KAZN: variants seen among roughly 807,000 people sequenced by gnomAD.
KAZN encodes kazrin.
KAZN carries 40 observed loss-of-function variants against 87.4 expected under a neutral mutation model. That is an observed-to-expected ratio of 0.46 (90% CI 0.36 to 0.60). KAZN has a LOEUF of 0.60. Among genes scored for constraint, KAZN ranks in the 20% least tolerant of loss-of-function variants. The probability of loss-of-function intolerance (pLI) is 0.00; values close to 1 mark genes in which losing one functional copy is unlikely to be tolerated. For synonymous variants in KAZN, 466 were observed against 458.3 expected, an observed-to-expected ratio of 1.02 and a Z score of -0.22; for missense variants, 898 against 1,073.9, an observed-to-expected ratio of 0.84 and a Z score of 2.29.
chr1:14,850,220 C>G (rs1267272794), intron 1 of KAZN, among the ~76,000 whole-genome samples: 1 of 152,152 alleles, frequency 6.6e-6, no homozygotes. Flanking sequence ...AGGCATGAGC[C>G]ACTGCGTCCA....
chr1:14,389,123 G>A (rs1366496429), intron 2 of KAZN, among the ~76,000 whole-genome samples: 1 of 152,168 alleles, frequency 6.6e-6, no homozygotes, highest in African/African-American at 2.4e-5. Context: ...TTGATCATCA[G>A]AGAAATGCAA....
intron 1 of KAZN, among the ~76,000 whole-genome samples, chr1:14,800,285 C>T (rs924754049): frequency 6.6e-6 from 1 of 152,196 alleles, no homozygotes; most frequent in East Asian, 1.9e-4. Context: ...CTCCTATGAG[C>T]GTTCACAGCA....
At chr1:14,541,451 G>GTGAATCTTGAGCTTGCATTT (rs1553186061) in intron 2 of KAZN, among the ~76,000 whole-genome samples, 1 of 152,290 alleles carries the variant, frequency 6.6e-6, no homozygotes, top group East Asian at 1.9e-4. Flanking sequence ...AACAGTGAAG[G>GTGAATCTTGAGCTTGCATTT]TGAATCTTGA....
intron 2 of KAZN, among the ~76,000 whole-genome samples, chr1:14,314,877 T>C (rs904893393): frequency 1.3e-5 from 2 of 152,162 alleles, no homozygotes; most frequent in Non-Finnish European, 2.9e-5. Flanking sequence ...CTACTTTGTG[T>C]ATCTATAAAT....
At chr1:14,709,158 G>A (rs960800202) in intron 1 of KAZN, among the ~76,000 whole-genome samples, 3 of 152,170 alleles carry the variant, frequency 2.0e-5, no homozygotes, top group African/African-American at 2.4e-5. Flanking sequence ...TCGGAGGCAC[G>A]AAGCCTTTGT....
chr1:14,786,077 C>T (rs1645500737), intron 1 of KAZN, among the ~76,000 whole-genome samples: 1 of 152,212 alleles, frequency 6.6e-6, no homozygotes, highest in African/African-American at 2.4e-5. Flanking sequence ...CTGGCGTCTA[C>T]AGTAGGTGCT....
intron 1 of KAZN, among the ~76,000 whole-genome samples, chr1:13,933,014 A>C: frequency 6.6e-6 from 1 of 152,148 alleles, no homozygotes; most frequent in South Asian, 2.1e-4. Flanking sequence ...CCTATTCCCT[A>C]TTTCCCCGAA....
rs574537607 is a variant in KAZN at position 14,280,302 on chromosome 1, C to T, written c.249+99710C>T. On this transcript the variant is annotated intron_variant, in intron 2 of 16. Transcript: ENST00000636203. ...AGGAGACTCACTTGAACCCGGGAGG[C>T]GGAGGTTGCAGTGAGCCAAGATCGC... Among the ~76,000 whole-genome samples the T allele has an allele frequency of 1.8e-3, 216 of 123,412 alleles. 2 individuals carry two copies. The highest frequency in any genetic ancestry group is 5.8e-3 in the African/African-American group (188 of 32,376). 81.0% of individuals were successfully genotyped at this position (123,412 alleles called of 152,430 possible). A position where few individuals can be genotyped will look rare whatever the true frequency, so the allele number is the denominator to read the frequency against.
chr1:14,655,627 G>T (rs1456533688), intron 1 of KAZN, among the ~76,000 whole-genome samples: 2 of 152,220 alleles, frequency 1.3e-5, no homozygotes, highest in Non-Finnish European at 2.9e-5. Flanking sequence ...GACAGATATA[G>T]ATTAGAACAA....
At chr1:14,984,295 T>G (rs1210726814) in intron 2 of KAZN, among the ~76,000 whole-genome samples, 1 of 151,840 alleles carries the variant, frequency 6.6e-6, no homozygotes, top group Admixed American at 6.6e-5. Context: ...GAGAATCACT[T>G]GAACCCAGGA....
At chr1:14,640,673 C>G (rs574510590) in intron 1 of KAZN, among the ~76,000 whole-genome samples, 2 of 152,320 alleles carry the variant, frequency 1.3e-5, no homozygotes, top group South Asian at 2.1e-4. Flanking sequence ...ACAATCCAAA[C>G]TAGAAGGTGC....
At chr1:15,078,250 C>A (rs1293610354) in intron 8 of KAZN, among the ~76,000 whole-genome samples, 1 of 151,832 alleles carries the variant, frequency 6.6e-6, no homozygotes, top group African/African-American at 2.4e-5. Flanking sequence ...ACTAAAAATA[C>A]AAAAATTAGC....
In KAZN at chr1:14,405,610, G is replaced by C. The variant is rs376441300; in HGVS notation, c.250-193373G>C. Among the ~76,000 whole-genome samples, 207 of 139,798 alleles carry C rather than the reference G, an allele frequency of 1.5e-3. 4 individuals carry two copies. The highest frequency in any genetic ancestry group is 6.1e-3 in the African/African-American group (205 of 33,406). The allele number at this position is 139,798 out of a possible 152,430, so 91.7% of individuals were successfully genotyped here. ...CAGAAAAACAGACCCAATAAAATGTGTGTGTGTGTGTGTGTGTGTGTGTGT... is the reference window on the plus strand; with the variant it reads ...CAGAAAAACAGACCCAATAAAATGTCTGTGTGTGTGTGTGTGTGTGTGTGT... On this transcript the variant is annotated intron_variant, in intron 2 of 16. Coordinates refer to the KAZN transcript ENST00000636203.
At chr1:14,935,030 G>T (rs1660290470) in intron 1 of KAZN, among the ~76,000 whole-genome samples, 1 of 152,200 alleles carries the variant, frequency 6.6e-6, no homozygotes, top group Admixed American at 6.5e-5. Flanking sequence ...TGCTGGACTT[G>T]CATTTCCACA....
chr1:14,417,897 G>C (rs974347299), intron 2 of KAZN, among the ~76,000 whole-genome samples: 4 of 150,462 alleles, frequency 2.7e-5, no homozygotes, highest in Non-Finnish European at 4.4e-5. Context: ...TCGGTAGGCC[G>C]AGGCAGGAGA....
chr1:14,348,354 T>C (rs1216466043), intron 2 of KAZN, among the ~76,000 whole-genome samples: 1 of 152,126 alleles, frequency 6.6e-6, no homozygotes, highest in Non-Finnish European at 1.5e-5. Context: ...GCCTAACCCA[T>C]ATACTACTTC....
At chr1:14,930,974 C>T (rs1659745820) in intron 1 of KAZN, among the ~76,000 whole-genome samples, 1 of 152,112 alleles carries the variant, frequency 6.6e-6, no homozygotes, top group Non-Finnish European at 1.5e-5. Flanking sequence ...TCCCCCGCCA[C>T]AACCATTTGG....
At chr1:14,518,418 C>A (rs993953938) in intron 2 of KAZN, among the ~76,000 whole-genome samples, 1 of 152,012 alleles carries the variant, frequency 6.6e-6, no homozygotes, top group Non-Finnish European at 1.5e-5. Flanking sequence ...CTTAGGTTAT[C>A]CGCCCGCCTC....
At chr1:14,706,161 T>C (rs1206729026) in intron 1 of KAZN, among the ~76,000 whole-genome samples, 2 of 152,146 alleles carry the variant, frequency 1.3e-5, no homozygotes, top group East Asian at 3.9e-4. Flanking sequence ...CTGTCACTGA[T>C]TCCCATCACC....
Sources: gnomAD v4.1 joint callset for allele counts (sites outside exome capture counted in the v4.1 genomes callset) on GRCh38, gnomAD v4.1.1 for gene constraint, MANE v1.5 for transcripts, NCBI Gene and HGNC (gene_info 2026-07-23, HGNC 2026-07-21) for gene names.